Variants in PRKCE observed in about 807,000 individuals in gnomAD.
PRKCE encodes protein kinase C epsilon.
In PRKCE, 16 loss-of-function variants were observed where a neutral mutation model predicts 85.4. The ratio of observed to expected loss-of-function variants is 0.19; its 90% CI spans 0.13 to 0.28. The LOEUF (loss-of-function observed/expected upper bound fraction) is 0.28. Among genes scored for constraint, PRKCE ranks in the 10% least tolerant of loss-of-function variants. The pLI, the probability that PRKCE is intolerant of heterozygous loss-of-function variation, is 1.00. For missense variants in PRKCE, 573 were observed against 975.2 expected (o/e 0.59, Z 5.49); for synonymous variants, 388 against 371.5 (o/e 1.04, Z -0.51).
At chr2:46,081,705 A>T (rs933756173) in intron 10 of PRKCE, among the ~76,000 whole-genome samples, 5 of 152,272 alleles carry the variant, frequency 3.3e-5, no homozygotes, top group African/African-American at 4.8e-5. Context: ...AACAAGCGAC[A>T]GCTGGAAAGG....
At chr2:45,703,743 ATTTCT>A (rs895344623) in intron 1 of PRKCE, among the ~76,000 whole-genome samples, 1 of 152,062 alleles carries the variant, frequency 6.6e-6, no homozygotes, top group African/African-American at 2.4e-5. Flanking sequence ...TTCCTAGAAC[ATTTCT>A]TTTGTTTTGG....
chr2:46,114,001 TA>T (rs1672513071), intron 11 of PRKCE, among the ~76,000 whole-genome samples: 1 of 152,202 alleles, frequency 6.6e-6, no homozygotes, highest in Non-Finnish European at 1.5e-5. Flanking sequence ...ATATTTTTGT[TA>T]TCTGACTCTG....
At chr2:45,829,392 G>C (rs567816390) in intron 1 of PRKCE, among the ~76,000 whole-genome samples, 1 of 152,172 alleles carries the variant, frequency 6.6e-6, no homozygotes, top group Non-Finnish European at 1.5e-5. Flanking sequence ...TGGAGAAAAT[G>C]AGTTTTGGGG....
rs1669581276 is a variant in PRKCE, at chr2:46,085,784, G to T, written c.1438-424G>T. ...TTTTTTTTTTTTTTAGCCATATAAG[G>T]TAACATTCACACATTCAAGGGTTAG... On this transcript the variant is annotated intron_variant, in intron 10 of 14. Transcript: ENST00000306156. Among the ~76,000 whole-genome samples, 3 of 99,966 alleles carry T rather than the reference G, an allele frequency of 3.0e-5. 1 individual carries two copies. Among genetic ancestry groups the T allele is most frequent in the Non-Finnish European group, 5.6e-5 (3 of 53,266 alleles). The allele number at this position is 99,966 out of a possible 152,430, so 65.6% of individuals were successfully genotyped here.
chr2:45,931,862 A>G (rs12479439), intron 2 of PRKCE, among the ~76,000 whole-genome samples: 42,617 of 151,884 alleles, frequency 0.28, 6,557 homozygotes, highest in South Asian at 0.38. Flanking sequence ...ACCTGCTGCC[A>G]CACTCAGCTA....
At chr2:45,835,335 C>T (rs1438956543) in intron 1 of PRKCE, among the ~76,000 whole-genome samples, 1 of 152,098 alleles carries the variant, frequency 6.6e-6, no homozygotes, top group Non-Finnish European at 1.5e-5. Flanking sequence ...CTTGATTTGT[C>T]CCACCCAATG....
intron 10 of PRKCE, among the ~76,000 whole-genome samples, chr2:46,030,872 C>A (rs1244468017): frequency 1.3e-5 from 2 of 152,196 alleles, no homozygotes; most frequent in Non-Finnish European, 2.9e-5. Context: ...CGGAATATTT[C>A]TTCTCCGTGA....
chr2:46,023,771 G>A (rs1055953966), intron 10 of PRKCE, among the ~76,000 whole-genome samples: 1 of 152,278 alleles, frequency 6.6e-6, no homozygotes, highest in African/African-American at 2.4e-5. Context: ...CCCACTGCCT[G>A]TGGTTTGTCT....
intron 2 of PRKCE, among the ~76,000 whole-genome samples, chr2:45,974,612 T>C (rs909261490): frequency 2.6e-5 from 4 of 152,216 alleles, no homozygotes; most frequent in African/African-American, 9.7e-5. Context: ...TCTCACCTTT[T>C]ACCTCCTTCA....
intron 1 of PRKCE, among the ~76,000 whole-genome samples, chr2:45,765,785 T>C (rs1684864755): frequency 6.6e-6 from 1 of 152,224 alleles, no homozygotes; most frequent in African/African-American, 2.4e-5. Context: ...TTCCCAGAAC[T>C]GGGCTCTTGG....
chr2:45,875,579 GA>G (rs1694413115), intron 2 of PRKCE, among the ~76,000 whole-genome samples: 1 of 152,220 alleles, frequency 6.6e-6, no homozygotes, highest in Non-Finnish European at 1.5e-5. Flanking sequence ...GGCTTGTATA[GA>G]AGAGGGATTG....
chr2:46,080,218 C>A (rs929664332), intron 10 of PRKCE, among the ~76,000 whole-genome samples: 2 of 152,044 alleles, frequency 1.3e-5, no homozygotes, highest in African/African-American at 2.4e-5. Context: ...AGGTTCTCAC[C>A]CTGCATCAAA....
rs747132781 is a variant in PRKCE, at chr2:46,010,368, A to C, written c.1288A>C (p.Lys430Gln). 6.3e-7 allele frequency: 1 copy of C among 1,596,938 alleles called. No individual in the cohort carries two copies. ...GKVMLAELKG[K>Q]DEVYAVKVLK... Reference sequence around the variant, plus strand: ...GGTCATGTTGGCAGAACTCAAGGGCAAAGATGAAGTATATGCTGTGAAGGT... The same window carrying C: ...GGTCATGTTGGCAGAACTCAAGGGCCAAGATGAAGTATATGCTGTGAAGGT... Residue 430 changes from lysine (K) to glutamine (Q), a missense_variant, in exon 10 of 15, where the codon AAA (lysine) becomes CAA (glutamine). Lys to Gln is a moderately conservative substitution (Grantham distance 53). This residue lies in a region of PRKCE where 89 missense variants were observed against 154.1 expected (regional missense o/e 0.58). Coordinates refer to ENST00000306156, the MANE Select transcript of PRKCE (RefSeq NM_005400.3).
At chr2:45,676,789 T>C (rs1224691458) in intron 1 of PRKCE, 1 of 152,220 alleles carries the variant, frequency 6.6e-6, no homozygotes, top group Admixed American at 6.5e-5. Flanking sequence ...CTCCATTCTT[T>C]CCTCTTTTCT....
intron 1 of PRKCE, among the ~76,000 whole-genome samples, chr2:45,771,909 C>T (rs1007814166): frequency 3.3e-5 from 5 of 152,178 alleles, no homozygotes; most frequent in East Asian, 3.9e-4. Context: ...TCCAGCTTCC[C>T]GGTTGGCATG....
At chr2:45,886,358 C>G (rs1695302954) in intron 2 of PRKCE, among the ~76,000 whole-genome samples, 1 of 152,218 alleles carries the variant, frequency 6.6e-6, no homozygotes, top group Non-Finnish European at 1.5e-5. Flanking sequence ...CTGAGAACCC[C>G]TGCCCATGAC....
intron 1 of PRKCE, among the ~76,000 whole-genome samples, chr2:45,790,378 C>T (rs911873308): frequency 6.6e-6 from 1 of 152,196 alleles, no homozygotes; most frequent in Non-Finnish European, 1.5e-5. Flanking sequence ...CTGAGAAAAA[C>T]ACACACGTGT....
intron 1 of PRKCE, among the ~76,000 whole-genome samples, chr2:45,739,358 C>T (rs1403448): frequency 0.58 from 88,292 of 151,934 alleles, 26,947 homozygotes; most frequent in African/African-American, 0.78. Flanking sequence ...CAAGAGTGTC[C>T]CTGTGTGAGC....
chr2:46,125,421 G>T (rs560330058), intron 11 of PRKCE, among the ~76,000 whole-genome samples: 1 of 152,280 alleles, frequency 6.6e-6, no homozygotes, highest in South Asian at 2.1e-4. Context: ...ATAAAAGTTT[G>T]AATTTGTGGG....
Sources: gnomAD v4.1 joint callset for allele counts (sites outside exome capture counted in the v4.1 genomes callset) on GRCh38, gnomAD v4.1.1 for gene constraint, gnomAD v4.1.1 regional missense constraint, MANE v1.5 for transcripts, NCBI Gene and HGNC (gene_info 2026-07-23, HGNC 2026-07-21) for gene names.